The following FGF7 variants were observed in gnomAD, a reference collection of about 807,000 sequenced individuals.
FGF7 encodes FGF-7.
Under a neutral mutation model 20.5 loss-of-function variants are expected in FGF7, and 6 were observed. The observed-to-expected ratio is 0.29, with a 90% CI of 0.16 to 0.58. The LOEUF (loss-of-function observed/expected upper bound fraction) is 0.58. Among genes scored for constraint, FGF7 ranks in the 20% least tolerant of loss-of-function variants. The probability of loss-of-function intolerance (pLI) is 0.90; values close to 1 mark genes in which losing one functional copy is unlikely to be tolerated. For missense variants in FGF7, 144 were observed against 228.8 expected (o/e 0.63, Z 2.39); for synonymous variants, 64 against 74.7 (o/e 0.86, Z 0.74).
chr15:49,474,886 C>A (rs35715933), intron 2 of FGF7, among the ~76,000 whole-genome samples: 29,181 of 152,110 alleles, frequency 0.19, 3,594 homozygotes, highest in East Asian at 0.38. Context: ...AACCTCCCCC[C>A]GGCTCCCGTC....
chr15:49,476,820 G>T (rs533961587), intron 2 of FGF7, among the ~76,000 whole-genome samples: 36 of 152,170 alleles, frequency 2.4e-4, no homozygotes, highest in Non-Finnish European at 4.1e-4. Flanking sequence ...AGCACTTTGG[G>T]AGGCTGAGGT....
chr15:49,476,231 G>GT (rs1567351795), intron 2 of FGF7, among the ~76,000 whole-genome samples: 15 of 29,130 alleles, frequency 5.1e-4, no homozygotes, highest in Middle Eastern at 0.019. Flanking sequence ...TTTTGTTTTT[G>GT]GTTTTTTTTT....
At chr15:49,437,109 C>A (rs2051176466) in intron 2 of FGF7, among the ~76,000 whole-genome samples, 1 of 151,458 alleles carries the variant, frequency 6.6e-6, no homozygotes. Context: ...TACTTCTGTT[C>A]TTTAGGGTCT....
intron 2 of FGF7, among the ~76,000 whole-genome samples, chr15:49,437,102 T>G (rs1425349871): frequency 1.3e-5 from 2 of 151,614 alleles, no homozygotes; most frequent in Non-Finnish European, 3.0e-5. Context: ...CTATTTATAC[T>G]TCTGTTCTTT....
chr15:49,474,710 T>C (rs539038460), intron 2 of FGF7, among the ~76,000 whole-genome samples: 1 of 152,288 alleles, frequency 6.6e-6, no homozygotes, highest in East Asian at 1.9e-4. Context: ...GGAGATGAGC[T>C]GCGGGTGAGC....
At chr15:49,426,079 G>T in intron 2 of FGF7, among the ~76,000 whole-genome samples, 1 of 151,458 alleles carries the variant, frequency 6.6e-6, no homozygotes, top group East Asian at 1.9e-4. Flanking sequence ...AATAAAACCT[G>T]GTGGAGACGA....
chr15:49,439,658 C>A (rs535754813), intron 2 of FGF7, among the ~76,000 whole-genome samples: 1 of 151,772 alleles, frequency 6.6e-6, no homozygotes, highest in East Asian at 1.9e-4. Flanking sequence ...AAGTAGATAG[C>A]TTTCCTTATT....
chr15:49,434,603 A>T (rs1474738127), intron 2 of FGF7: 1 of 151,632 alleles, frequency 6.6e-6, no homozygotes, highest in African/African-American at 2.4e-5. Flanking sequence ...AAGATTGGGA[A>T]ATGAAAAGTG....
intron 2 of FGF7, among the ~76,000 whole-genome samples, chr15:49,472,485 A>G (rs575525556): frequency 6.6e-6 from 1 of 152,238 alleles, no homozygotes; most frequent in African/African-American, 2.4e-5. Context: ...ACTTGGTCAC[A>G]TGGCCACATT....
chr15:49,468,002 A>G (rs929660915), intron 2 of FGF7, among the ~76,000 whole-genome samples: 1 of 152,200 alleles, frequency 6.6e-6, no homozygotes, highest in African/African-American at 2.4e-5. Flanking sequence ...AAATTCTGAT[A>G]TAGTTCTAAC....
intron 2 of FGF7, among the ~76,000 whole-genome samples, chr15:49,429,485 A>G (rs1322971294): frequency 6.6e-6 from 1 of 151,882 alleles, no homozygotes; most frequent in Non-Finnish European, 1.5e-5. Flanking sequence ...CCTCATCTAG[A>G]CTGACCCTTA....
intron 2 of FGF7, among the ~76,000 whole-genome samples, chr15:49,461,142 T>A (rs978101336): frequency 6.6e-6 from 1 of 152,206 alleles, no homozygotes; most frequent in East Asian, 1.9e-4. Context: ...CTTCTTCCTA[T>A]CTGTTGAAGT....
intron 2 of FGF7, among the ~76,000 whole-genome samples, chr15:49,461,848 G>C (rs1489624529): frequency 6.6e-6 from 1 of 152,076 alleles, no homozygotes; most frequent in Non-Finnish European, 1.5e-5. Flanking sequence ...TGGTTACTAG[G>C]GTAACCTCAT....
chr15:49,453,556 C>T (rs111959424), intron 2 of FGF7, among the ~76,000 whole-genome samples: 3,537 of 152,284 alleles, frequency 0.023, 88 homozygotes, highest in South Asian at 0.13. Context: ...GGCTCTTATG[C>T]AGGACAGTTC....
intron 2 of FGF7, among the ~76,000 whole-genome samples, chr15:49,454,621 T>A (rs1476277778): frequency 6.6e-6 from 1 of 152,162 alleles, no homozygotes; most frequent in Non-Finnish European, 1.5e-5. Flanking sequence ...TTTTATATTA[T>A]TTTTTTGAGA....
intron 2 of FGF7, among the ~76,000 whole-genome samples, chr15:49,471,737 G>A (rs912425677): frequency 6.6e-6 from 1 of 152,052 alleles, no homozygotes; most frequent in Non-Finnish European, 1.5e-5. Context: ...AAAGCTAGCT[G>A]ACATTAGGTA....
In FGF7 at chr15:49,484,307, C is replaced by T. The variant is rs1227261444; in HGVS notation, c.391-3C>T. On this transcript the variant is annotated splice_polypyrimidine_tract_variant and splice_region_variant and intron_variant, in intron 3 of 3. Coordinates refer to ENST00000267843, the MANE Select transcript of FGF7 (RefSeq NM_002009.4). ...ATGTCTGTTTGTTTGTTTGTTTTAA[C>T]AGAAAGAATGCAATGAAGATTGTAA... 3.8e-6 allele frequency: 6 copies of T among 1,583,292 alleles called. No individual in the cohort carries two copies. The highest frequency in any genetic ancestry group is 1.3e-5 in the African/African-American group (1 of 74,158).
At chr15:49,476,192 G>A (rs2055252064) in intron 2 of FGF7, among the ~76,000 whole-genome samples, 1 of 127,406 alleles carries the variant, frequency 7.8e-6, no homozygotes, top group South Asian at 2.4e-4. Flanking sequence ...TCTTTCTTCT[G>A]AATTCCTATT....
At chr15:49,467,179 TC>T (rs1249321491) in intron 2 of FGF7, among the ~76,000 whole-genome samples, 1 of 152,178 alleles carries the variant, frequency 6.6e-6, no homozygotes, top group Non-Finnish European at 1.5e-5. Context: ...GTGTAGTTTA[TC>T]ATCTAAGCTG....
Sources: allele counts gnomAD v4.1 joint callset (sites outside exome capture counted in the v4.1 genomes callset), GRCh38; gene constraint gnomAD v4.1.1; transcripts MANE v1.5; gene names NCBI Gene and HGNC (gene_info 2026-07-23, HGNC 2026-07-21).